Variants in NR3C2 observed in about 807,000 individuals in gnomAD.
The protein encoded by NR3C2 is mineralocorticoid receptor.
A neutral mutation model predicts 86.4 loss-of-function variants in NR3C2; 15 were observed. The observed-to-expected ratio is 0.17, with a 90% confidence interval of 0.12 to 0.27. The LOEUF is 0.27. Ranked by LOEUF, NR3C2 falls within the 10% of genes least tolerant of loss-of-function variation. The probability of loss-of-function intolerance (pLI) is 1.00; values close to 1 mark genes in which losing one functional copy is unlikely to be tolerated. For synonymous variants in NR3C2, 458 were observed against 450.5 expected, an observed-to-expected ratio of 1.02 and a Z score of -0.21; for missense variants, 960 against 1,195.6, an observed-to-expected ratio of 0.80 and a Z score of 2.91.
In NR3C2 at chr4:148,222,846, C is replaced by T. The variant is rs375570051; in HGVS notation, c.1898-27984G>A. On this transcript the variant is annotated intron_variant, in intron 3 of 8. Coordinates refer to ENST00000358102, the MANE Select transcript of NR3C2 (RefSeq NM_000901.5). The stretch of plus-strand genomic sequence containing the variant: ...TGTGTGCCTACCAGCTTTTTAGATA[C>T]TACAGGATTACACAGCCATTTCAGA... Among the ~76,000 whole-genome samples, 3 of 152,158 alleles carry T rather than the reference C, an allele frequency of 2.0e-5. No homozygotes were observed. In the East Asian group the frequency reaches 5.8e-4, roughly 29 times the overall value.
intron 3 of NR3C2, among the ~76,000 whole-genome samples, chr4:148,226,475 T>A (rs1385895140): frequency 6.6e-6 from 1 of 152,166 alleles, no homozygotes; most frequent in Non-Finnish European, 1.5e-5. Flanking sequence ...ATTATATGCA[T>A]ATACATAGTT....
In NR3C2 at chr4:148,170,526, A is replaced by T. The variant is rs529773015; in HGVS notation, c.2015-15625T>A. Among the ~76,000 whole-genome samples, 25 of 152,264 alleles carry T rather than the reference A, an allele frequency of 1.6e-4. No homozygotes were observed. The South Asian group carries it at 4.4e-3, about 27-fold the overall frequency. ...ACTGCTTGAAAAAAAATTTTTTTTG[A>T]ATCTGGCAATACCTGCAACAAATAG... On this transcript the variant is annotated intron_variant, in intron 4 of 8. Transcript: ENST00000358102.
intron 4 of NR3C2, among the ~76,000 whole-genome samples, chr4:148,171,589 G>A (rs539271302): frequency 6.6e-6 from 1 of 152,198 alleles, no homozygotes; most frequent in African/African-American, 2.4e-5. Flanking sequence ...GTTCACAATA[G>A]GGTTCGTGCT....
At chr4:148,187,812 G>GT (rs1270457018) in intron 4 of NR3C2, among the ~76,000 whole-genome samples, 2 of 152,130 alleles carry the variant, frequency 1.3e-5, no homozygotes, top group African/African-American at 2.4e-5. Context: ...GTCTAGAAGG[G>GT]TTTTTTCCAA....
At chr4:148,444,488 C>A, upstream of NR3C2, 6 of 985,862 alleles carry the variant, frequency 6.1e-6, no homozygotes, top group Non-Finnish European at 7.2e-6. Context: ...GACCCCCTCT[C>A]GCCGCTGTCA....
chr4:148,145,865 G>T (rs911130292), intron 6 of NR3C2, among the ~76,000 whole-genome samples: 1 of 152,106 alleles, frequency 6.6e-6, no homozygotes, highest in East Asian at 1.9e-4. Context: ...TCAGGAGGAG[G>T]TTTCTCAGTA....
chr4:148,407,765 A>T (rs1249040802), intron 2 of NR3C2, among the ~76,000 whole-genome samples: 1 of 152,170 alleles, frequency 6.6e-6, no homozygotes, highest in Non-Finnish European at 1.5e-5. Context: ...GAGTTCTTTT[A>T]ATTATTTTAG....
intron 2 of NR3C2, among the ~76,000 whole-genome samples, chr4:148,413,461 C>A (rs764948675): frequency 6.6e-6 from 1 of 151,912 alleles, no homozygotes; most frequent in African/African-American, 2.4e-5. Context: ...ATATAAAGCA[C>A]AAACCTTAAG....
chr4:148,262,508 C>T (rs1740172253), intron 2 of NR3C2, among the ~76,000 whole-genome samples: 2 of 152,250 alleles, frequency 1.3e-5, no homozygotes, highest in South Asian at 4.2e-4. Flanking sequence ...TCTTTCCCTG[C>T]CTCCAAACGT....
chr4:148,440,688 T>C (rs1750295183), intron 1 of NR3C2, among the ~76,000 whole-genome samples: 1 of 152,234 alleles, frequency 6.6e-6, no homozygotes. Flanking sequence ...AAGCCATACA[T>C]ATGCTCTCAA....
intron 8 of NR3C2, 36 bp from the exon 9 acceptor site, chr4:148,081,535 C>T (rs761398617): frequency 6.2e-7 from 1 of 1,611,044 alleles, no homozygotes; most frequent in Non-Finnish European, 8.5e-7. Context: ...ACACGGGGGC[C>T]TCCTTTCCGA....
At position 148,435,243 on chromosome 4, in the gene NR3C2, T is replaced by C; in HGVS notation, c.1618A>G (p.Arg540Gly). The C allele has an allele frequency of 1.9e-6, 3 of 1,614,218 alleles. No homozygotes were observed. Among genetic ancestry groups the C allele is most frequent in the Non-Finnish European group, 2.5e-6 (3 of 1,180,044 alleles). The change falls in exon 2 of 9, where the codon AGA (arginine) becomes GGA (glycine). Residue 540 changes from arginine (R) to glycine (G), a missense_variant. By Grantham distance (125) the Arg-to-Gly change is moderately radical. This residue lies in a region of NR3C2 where 680 missense variants were observed against 719.0 expected (regional missense o/e 0.95). Coordinates refer to ENST00000358102, the MANE Select transcript of NR3C2 (RefSeq NM_000901.5). ...QGTISLSRSA[R>G]DQSFQHLSSF... ...CTCAGGTGTTGGAAAGATTGGTCTC[T>C]AGCCGATCGTGATAAAGATATTGTA...
chr4:148,335,755 A>C (rs1414914295), intron 2 of NR3C2, among the ~76,000 whole-genome samples: 1 of 147,636 alleles, frequency 6.8e-6, no homozygotes, highest in Non-Finnish European at 1.5e-5. Context: ...GTGTCTAAAA[A>C]GTAATTAAAA....
At chr4:148,251,986 T>C (rs1739600833) in intron 3 of NR3C2, among the ~76,000 whole-genome samples, 1 of 151,950 alleles carries the variant, frequency 6.6e-6, no homozygotes, top group Admixed American at 6.6e-5. Flanking sequence ...GCTGATGTGT[T>C]AAGTACATAC....
At chr4:148,129,321 C>A (rs913615248) in intron 6 of NR3C2, among the ~76,000 whole-genome samples, 3 of 152,112 alleles carry the variant, frequency 2.0e-5, no homozygotes, top group African/African-American at 7.2e-5. Context: ...AGTAGTCACA[C>A]TCATAGAAAC....
At chr4:148,253,919 A>G (rs2149863828) in intron 3 of NR3C2, among the ~76,000 whole-genome samples, 1 of 152,280 alleles carries the variant, frequency 6.6e-6, no homozygotes, top group East Asian at 1.9e-4. Flanking sequence ...TTTGCTGAGC[A>G]AATGAACCTT....
intron 6 of NR3C2, among the ~76,000 whole-genome samples, chr4:148,148,529 C>A (rs1400384287): frequency 1.3e-5 from 2 of 152,202 alleles, no homozygotes; most frequent in Admixed American, 6.5e-5. Context: ...CTGAAACCCA[C>A]AGGACCTGGC....
chr4:148,185,384 C>T (rs1340366554), intron 4 of NR3C2, among the ~76,000 whole-genome samples: 5 of 152,210 alleles, frequency 3.3e-5, no homozygotes, highest in Non-Finnish European at 7.3e-5. Context: ...TCACTGTTCT[C>T]TTGATTTCTA....
intron 4 of NR3C2, among the ~76,000 whole-genome samples, chr4:148,163,713 T>C (rs1021839281): frequency 7.2e-5 from 11 of 152,010 alleles, no homozygotes; most frequent in Admixed American, 1.3e-4. Flanking sequence ...ATTTTATTAG[T>C]GGAGAAAATA....
Sources: gnomAD v4.1 joint callset for allele counts (sites outside exome capture counted in the v4.1 genomes callset) on GRCh38, gnomAD v4.1.1 for gene constraint, gnomAD v4.1.1 regional missense constraint, MANE v1.5 for transcripts, NCBI Gene and HGNC (gene_info 2026-07-23, HGNC 2026-07-21) for gene names.